The following PCDH9 variants were observed in gnomAD, a reference collection of about 807,000 sequenced individuals.
PCDH9 encodes protocadherin 9.
A neutral mutation model predicts 70.6 loss-of-function variants in PCDH9; 24 were observed. The observed-to-expected ratio is 0.34, with a 90% CI of 0.25 to 0.48. PCDH9 has a LOEUF of 0.48. Among genes scored for constraint, PCDH9 ranks in the 20% least tolerant of loss-of-function variants. The pLI, the probability that PCDH9 is intolerant of heterozygous loss-of-function variation, is 0.99. For synonymous variants in PCDH9, 562 were observed against 558.5 expected, an observed-to-expected ratio of 1.01 and a Z score of -0.09; for missense variants, 1,281 against 1,503.6, an observed-to-expected ratio of 0.85 and a Z score of 2.45.
At chr13:66,424,324 T>A (rs978232830) in intron 4 of PCDH9, among the ~76,000 whole-genome samples, 1 of 151,980 alleles carries the variant, frequency 6.6e-6, no homozygotes, top group African/African-American at 2.4e-5. Context: ...GATCAATACA[T>A]TTTTGTTCAG....
At chr13:67,038,946 T>C (rs765101343) in intron 2 of PCDH9, among the ~76,000 whole-genome samples, 1 of 152,122 alleles carries the variant, frequency 6.6e-6, no homozygotes, top group South Asian at 2.1e-4. Context: ...GACTAAACCT[T>C]GATTAGAAGC....
chr13:66,931,217 T>C (rs998445472), intron 2 of PCDH9, among the ~76,000 whole-genome samples: 1 of 152,150 alleles, frequency 6.6e-6, no homozygotes, highest in Non-Finnish European at 1.5e-5. Flanking sequence ...TATTTATGAG[T>C]TCAATTCCAT....
intron 2 of PCDH9, among the ~76,000 whole-genome samples, chr13:67,011,470 A>C (rs1594388465): frequency 6.6e-6 from 1 of 151,860 alleles, no homozygotes; most frequent in Non-Finnish European, 1.5e-5. Context: ...TTTTCATTAG[A>C]TATCTGTTAA....
At chr13:66,587,647 T>G (rs9529100) in intron 4 of PCDH9, among the ~76,000 whole-genome samples, 122,622 of 151,938 alleles carry the variant, frequency 0.81, 50,031 homozygotes, top group East Asian at 0.91. Context: ...GAAAGTAGCT[T>G]CCTGAAAATA....
chr13:67,061,102 A>C (rs2085530971), intron 2 of PCDH9, among the ~76,000 whole-genome samples: 1 of 152,132 alleles, frequency 6.6e-6, no homozygotes, highest in South Asian at 2.1e-4. Flanking sequence ...AATATGGAGA[A>C]AAGATAATAT....
intron 3 of PCDH9, among the ~76,000 whole-genome samples, chr13:66,733,677 C>CTTTT (rs11366736): frequency 2.7e-5 from 4 of 147,210 alleles, no homozygotes; most frequent in East Asian, 2.0e-4. Flanking sequence ...TAAAGGTAGG[C>CTTTT]TTTTTTTTTT....
intron 2 of PCDH9, among the ~76,000 whole-genome samples, chr13:67,034,637 T>A: frequency 6.6e-6 from 1 of 151,932 alleles, no homozygotes; most frequent in East Asian, 1.9e-4. Context: ...TGTTTTGGTC[T>A]ATGCTTTTAT....
intron 4 of PCDH9, among the ~76,000 whole-genome samples, chr13:66,305,555 T>G (rs1165770291): frequency 6.7e-6 from 1 of 148,212 alleles, no homozygotes; most frequent in Non-Finnish European, 1.5e-5. Context: ...TAAAATATTG[T>G]TTTTTTCTAC....
At chr13:66,306,408 G>A (rs1181545513) in intron 4 of PCDH9, 1 of 150,148 alleles carries the variant, frequency 6.7e-6, no homozygotes, top group Non-Finnish European at 1.5e-5. Flanking sequence ...CATCAAAATA[G>A]ATACAGAATG....
At chr13:67,151,090 C>T (rs1346760463) in intron 2 of PCDH9, among the ~76,000 whole-genome samples, 3 of 152,096 alleles carry the variant, frequency 2.0e-5, no homozygotes, top group African/African-American at 4.8e-5. Context: ...AAAAATTCTC[C>T]ATCTTTTTCA....
chr13:66,747,157 C>A (rs2079380163), intron 3 of PCDH9, among the ~76,000 whole-genome samples: 1 of 152,152 alleles, frequency 6.6e-6, no homozygotes, highest in African/African-American at 2.4e-5. Context: ...CAAGACCAGT[C>A]TGGCCAACAT....
At chr13:66,528,426 A>T (rs2138626650) in intron 4 of PCDH9, among the ~76,000 whole-genome samples, 1 of 152,290 alleles carries the variant, frequency 6.6e-6, no homozygotes, top group Admixed American at 6.5e-5. Context: ...TTGTACAAAC[A>T]GAAACAAAGT....
intron 4 of PCDH9, among the ~76,000 whole-genome samples, chr13:66,526,746 C>T (rs183939803): frequency 1.3e-5 from 2 of 152,252 alleles, no homozygotes; most frequent in Non-Finnish European, 2.9e-5. Context: ...TATGAAGTTA[C>T]TATATTCCCA....
chr13:67,054,340 C>G (rs2085378476), intron 2 of PCDH9, among the ~76,000 whole-genome samples: 1 of 151,972 alleles, frequency 6.6e-6, no homozygotes, highest in African/African-American at 2.4e-5. Flanking sequence ...CTACACACAC[C>G]CACAGACAAG....
intron 4 of PCDH9, among the ~76,000 whole-genome samples, chr13:66,606,616 A>G (rs2077225628): frequency 6.6e-6 from 1 of 152,158 alleles, no homozygotes; most frequent in Non-Finnish European, 1.5e-5. Flanking sequence ...TAGAATGCCT[A>G]GTTAAGTTTG....
chr13:66,632,251 G>C (rs1383842096), intron 3 of PCDH9, among the ~76,000 whole-genome samples: 1 of 152,106 alleles, frequency 6.6e-6, no homozygotes, highest in Non-Finnish European at 1.5e-5. Flanking sequence ...AGCAATACTG[G>C]AATAATTAAT....
intron 2 of PCDH9, among the ~76,000 whole-genome samples, chr13:66,962,447 T>G (rs757326496): frequency 6.6e-5 from 10 of 152,170 alleles, no homozygotes; most frequent in Non-Finnish European, 8.8e-5. Flanking sequence ...AAATGTGTCA[T>G]TGGGCAATTT....
At chr13:66,878,351 C>T (rs947513976) in intron 3 of PCDH9, among the ~76,000 whole-genome samples, 6 of 151,914 alleles carry the variant, frequency 3.9e-5, no homozygotes, top group African/African-American at 1.2e-4. Flanking sequence ...CTCAGCCTCC[C>T]GAGCAGCTGG....
intron 3 of PCDH9, among the ~76,000 whole-genome samples, chr13:66,700,696 AT>A (rs377420706): frequency 3.3e-4 from 50 of 152,058 alleles, no homozygotes; most frequent in African/African-American, 1.2e-3. Context: ...AAGCAAACTT[AT>A]TTGTTCTGCC....
Sources: gnomAD v4.1 joint callset for allele counts (sites outside exome capture counted in the v4.1 genomes callset) on GRCh38, gnomAD v4.1.1 for gene constraint, MANE v1.5 for transcripts, NCBI Gene and HGNC (gene_info 2026-07-23, HGNC 2026-07-21) for gene names.